The following KCNH7 variants were observed in gnomAD, a reference collection of about 807,000 sequenced individuals.
KCNH7 encodes voltage-gated inwardly rectifying potassium channel KCNH7.
In KCNH7, 49 loss-of-function variants were observed where a neutral mutation model predicts 120.8. The ratio of observed to expected loss-of-function variants is 0.41; its 90% CI spans 0.32 to 0.51. The LOEUF is 0.51. KCNH7 is among the 20% of genes least tolerant of loss of function. KCNH7 has a pLI of 0.38. For missense variants in KCNH7, 1,097 were observed against 1,446.6 expected (o/e 0.76, Z 3.92); for synonymous variants, 547 against 516.1 (o/e 1.06, Z -0.81).
rs115906977 is a variant in KCNH7 at position 162,413,078 on chromosome 2, A to C, written c.2154+10258T>G. On this transcript the variant is annotated intron_variant, in intron 9 of 15. Coordinates refer to ENST00000332142, the MANE Select transcript of KCNH7 (RefSeq NM_033272.4). ...AGCAAAATAAGATTAGTAAGTGTCC[A>C]CCTACCTTACCAGATATTAAAATAT... Among the ~76,000 whole-genome samples the C allele has an allele frequency of 8.1e-3, 1,238 of 152,250 alleles. 19 individuals are homozygous for C. Among genetic ancestry groups the C allele is most frequent in the African/African-American group, 0.028 (1,180 of 41,556 alleles).
intron 2 of KCNH7, among the ~76,000 whole-genome samples, chr2:162,668,939 A>G (rs1395464918): frequency 6.6e-6 from 1 of 152,200 alleles, no homozygotes; most frequent in African/African-American, 2.4e-5. Context: ...TTAAAAACTT[A>G]ATAGATGTGT....
At chr2:162,500,154 T>C (rs994859276) in intron 6 of KCNH7, among the ~76,000 whole-genome samples, 6 of 148,162 alleles carry the variant, frequency 4.0e-5, no homozygotes, top group African/African-American at 1.5e-4. Context: ...ATATACATAT[T>C]GATATACATT....
chr2:162,811,959 G>A (rs1684747240), intron 2 of KCNH7, among the ~76,000 whole-genome samples: 1 of 152,124 alleles, frequency 6.6e-6, no homozygotes, highest in African/African-American at 2.4e-5. Flanking sequence ...AATTCAATAT[G>A]GGGGCTCATG....
chr2:162,635,145 A>T (rs1281905939), intron 2 of KCNH7, among the ~76,000 whole-genome samples: 2 of 152,088 alleles, frequency 1.3e-5, no homozygotes, highest in Non-Finnish European at 2.9e-5. Context: ...GACAGTGCTG[A>T]TTTAGCATAT....
intron 2 of KCNH7, among the ~76,000 whole-genome samples, chr2:162,622,869 T>C (rs1253036074): frequency 6.6e-6 from 1 of 152,202 alleles, no homozygotes; most frequent in African/African-American, 2.4e-5. Flanking sequence ...GCTTTGCCTC[T>C]CATGCATCCT....
At chr2:162,786,217 T>C (rs181573663) in intron 2 of KCNH7, among the ~76,000 whole-genome samples, 268 of 127,996 alleles carry the variant, frequency 2.1e-3, no homozygotes, top group African/African-American at 7.5e-3. Context: ...CACTCCAGCC[T>C]GGGCAATAGA....
intron 2 of KCNH7, among the ~76,000 whole-genome samples, chr2:162,687,647 A>G (rs1685943703): frequency 1.3e-5 from 2 of 151,616 alleles, no homozygotes; most frequent in African/African-American, 4.9e-5. Flanking sequence ...ACAAATCACA[A>G]CTCCCCCTGC....
At chr2:162,503,382 G>C (rs1453428875) in intron 6 of KCNH7, among the ~76,000 whole-genome samples, 3 of 151,916 alleles carry the variant, frequency 2.0e-5, no homozygotes, top group Admixed American at 2.0e-4. Flanking sequence ...CTAAATATAA[G>C]TTAAGAAAAG....
At chr2:162,438,384 C>T (rs576704613) in intron 7 of KCNH7, among the ~76,000 whole-genome samples, 31 of 152,218 alleles carry the variant, frequency 2.0e-4, no homozygotes, top group Middle Eastern at 3.4e-3. Context: ...ACAGTAAGTT[C>T]TCTAAGCAGA....
chr2:162,660,812 A>T (rs1559069375), intron 2 of KCNH7, among the ~76,000 whole-genome samples: 3 of 152,232 alleles, frequency 2.0e-5, no homozygotes, highest in South Asian at 4.1e-4. Context: ...AAAATGGTAT[A>T]TGTCGAAATA....
chr2:162,659,684 T>C (rs574666267), intron 2 of KCNH7, among the ~76,000 whole-genome samples: 10 of 152,174 alleles, frequency 6.6e-5, no homozygotes, highest in Non-Finnish European at 1.2e-4. Context: ...TTGAATTGAA[T>C]TTGATAATAT....
chr2:162,489,131 C>T (rs995730313), intron 6 of KCNH7, among the ~76,000 whole-genome samples: 3 of 152,156 alleles, frequency 2.0e-5, no homozygotes, highest in African/African-American at 7.2e-5. Flanking sequence ...TAATTTGCTG[C>T]TTAATTAAAA....
At chr2:162,553,322 AG>A (rs1692743912) in intron 2 of KCNH7, among the ~76,000 whole-genome samples, 1 of 152,156 alleles carries the variant, frequency 6.6e-6, no homozygotes, top group African/African-American at 2.4e-5. Context: ...AAAGAGCCAC[AG>A]GGGGCACTTT....
intron 2 of KCNH7, among the ~76,000 whole-genome samples, chr2:162,792,242 T>G (rs1341382789): frequency 6.6e-6 from 1 of 152,012 alleles, no homozygotes; most frequent in Non-Finnish European, 1.5e-5. Flanking sequence ...GGCCTGAAGT[T>G]TTCTTTTTTG....
At chr2:162,558,912 G>A (rs889962763) in intron 2 of KCNH7, among the ~76,000 whole-genome samples, 4 of 151,318 alleles carry the variant, frequency 2.6e-5, no homozygotes, top group African/African-American at 9.7e-5. Flanking sequence ...AAAATTAGCC[G>A]GGCGTTGTGG....
intron 2 of KCNH7, among the ~76,000 whole-genome samples, chr2:162,703,369 G>T (rs1392786830): frequency 5.9e-5 from 9 of 151,784 alleles, no homozygotes; most frequent in African/African-American, 2.2e-4. Context: ...GGTATAACAG[G>T]GTATAATAAC....
At chr2:162,694,269 GA>G (rs908079601) in intron 2 of KCNH7, among the ~76,000 whole-genome samples, 1 of 151,916 alleles carries the variant, frequency 6.6e-6, no homozygotes, top group Non-Finnish European at 1.5e-5. Context: ...ACAACTACTA[GA>G]AAAAAAGGCA....
At chr2:162,410,526 C>T (rs950579890) in intron 9 of KCNH7, among the ~76,000 whole-genome samples, 1 of 151,530 alleles carries the variant, frequency 6.6e-6, no homozygotes, top group Admixed American at 6.6e-5. Flanking sequence ...TTACCAACAC[C>T]TCTTCAACCT....
intron 2 of KCNH7, among the ~76,000 whole-genome samples, chr2:162,769,749 C>T (rs1419596467): frequency 6.6e-6 from 1 of 151,710 alleles, no homozygotes; most frequent in Non-Finnish European, 1.5e-5. Flanking sequence ...ATATAAATGA[C>T]ATGGAATAAA....
Sources: gnomAD v4.1 joint callset for allele counts (sites outside exome capture counted in the v4.1 genomes callset) on GRCh38, gnomAD v4.1.1 for gene constraint, MANE v1.5 for transcripts, NCBI Gene and HGNC (gene_info 2026-07-23, HGNC 2026-07-21) for gene names.